EYS: variants seen among roughly 807,000 people sequenced by gnomAD.
EYS encodes protein eyes shut homolog.
EYS carries 250 observed loss-of-function variants against 282.1 expected under a neutral mutation model. The observed-to-expected ratio is 0.89, with a 90% CI of 0.80 to 0.98. EYS has a LOEUF of 0.98. Among genes scored for constraint, EYS ranks in the 50% least tolerant of loss-of-function variants. The probability of loss-of-function intolerance (pLI) is 0.00; values close to 1 mark genes in which losing one functional copy is unlikely to be tolerated. For missense variants in EYS, 4,016 were observed against 3,709.0 expected, an observed-to-expected ratio of 1.08 and a Z score of -2.15; for synonymous variants, 1,355 against 1,282.9, an observed-to-expected ratio of 1.06 and a Z score of -1.20.
intron 11 of EYS, among the ~76,000 whole-genome samples, chr6:65,321,921 T>G (rs1471016795): frequency 1.3e-5 from 2 of 152,172 alleles, no homozygotes; most frequent in Non-Finnish European, 2.9e-5. Flanking sequence ...GGTGGGAGAA[T>G]AGGCAAGTCA....
At chr6:65,356,718 C>T (rs1764499410) in intron 8 of EYS, among the ~76,000 whole-genome samples, 1 of 151,836 alleles carries the variant, frequency 6.6e-6, no homozygotes, top group African/African-American at 2.4e-5. Context: ...CTCTTAATAC[C>T]TTTTTAAAAT....
intron 22 of EYS, among the ~76,000 whole-genome samples, chr6:64,799,833 T>C (rs1774482597): frequency 6.6e-6 from 1 of 151,840 alleles, no homozygotes; most frequent in Non-Finnish European, 1.5e-5. Context: ...AATTGGACAG[T>C]TTAATCTGCA....
chr6:63,891,906 T>C (rs58019735), intron 35 of EYS, among the ~76,000 whole-genome samples: 17,884 of 152,048 alleles, frequency 0.12, 1,285 homozygotes, highest in African/African-American at 0.19. Flanking sequence ...AATCAATGTG[T>C]AAAAATCACA....
At chr6:64,853,877 T>G (rs1284658414) in intron 19 of EYS, among the ~76,000 whole-genome samples, 1 of 151,894 alleles carries the variant, frequency 6.6e-6, no homozygotes, top group Non-Finnish European at 1.5e-5. Flanking sequence ...ATCCAGAATC[T>G]ACAAAGAACT....
intron 29 of EYS, chr6:64,379,625 A>T (rs1372392515): frequency 1.3e-5 from 2 of 152,172 alleles, no homozygotes; most frequent in African/African-American, 4.8e-5. Context: ...GAATTAAGTG[A>T]AAATTTAAGC....
At chr6:65,147,312 A>C (rs1020454438) in intron 12 of EYS, among the ~76,000 whole-genome samples, 4 of 152,044 alleles carry the variant, frequency 2.6e-5, no homozygotes, top group Non-Finnish European at 2.9e-5. Flanking sequence ...TCTCTGTATA[A>C]ATATTAACAT....
At chr6:65,476,243 A>T (rs971786691) in intron 5 of EYS, among the ~76,000 whole-genome samples, 9 of 152,096 alleles carry the variant, frequency 5.9e-5, no homozygotes, top group East Asian at 1.9e-4. Context: ...TCTATTAAAG[A>T]TGCTCCTTAA....
intron 12 of EYS, among the ~76,000 whole-genome samples, chr6:65,280,856 A>G (rs1389131138): frequency 7.2e-6 from 1 of 139,654 alleles, no homozygotes; most frequent in Non-Finnish European, 1.5e-5. Context: ...CGTCTGTACT[A>G]AAAAAAAAAA....
intron 12 of EYS, among the ~76,000 whole-genome samples, chr6:65,217,601 G>A (rs1012501276): frequency 6.6e-6 from 1 of 151,966 alleles, no homozygotes; most frequent in Non-Finnish European, 1.5e-5. Context: ...GGTAATCACA[G>A]AAGGCATTTT....
chr6:65,464,040 C>A (rs547991208), intron 5 of EYS, among the ~76,000 whole-genome samples: 1 of 151,996 alleles, frequency 6.6e-6, no homozygotes, highest in South Asian at 2.1e-4. Context: ...TACCTATTTT[C>A]TTTTTTCAAA....
At chr6:64,547,955 G>A (rs1343622390) in intron 26 of EYS, among the ~76,000 whole-genome samples, 1 of 152,224 alleles carries the variant, frequency 6.6e-6, no homozygotes, top group Non-Finnish European at 1.5e-5. Context: ...GTGCCAGCAG[G>A]GCTGGCCGGC....
intron 5 of EYS, among the ~76,000 whole-genome samples, chr6:65,471,806 A>G (rs1427239739): frequency 6.6e-6 from 1 of 152,138 alleles, no homozygotes; most frequent in Non-Finnish European, 1.5e-5. Flanking sequence ...AAAATATTTT[A>G]AGATATTTTA....
At chr6:64,270,211 T>A (rs1161566609) in intron 30 of EYS, among the ~76,000 whole-genome samples, 1 of 152,202 alleles carries the variant, frequency 6.6e-6, no homozygotes, top group Non-Finnish European at 1.5e-5. Context: ...TTTGGTTCAC[T>A]GCAGCAAAGT....
At chr6:64,790,440 A>T (rs776371293) in intron 22 of EYS, among the ~76,000 whole-genome samples, 7 of 151,904 alleles carry the variant, frequency 4.6e-5, no homozygotes, top group Non-Finnish European at 4.4e-5. Flanking sequence ...TCATAAGACA[A>T]GAAAAAAAAT....
At chr6:64,309,759 G>A (rs931817001) in intron 29 of EYS, among the ~76,000 whole-genome samples, 3 of 152,022 alleles carry the variant, frequency 2.0e-5, no homozygotes, top group Admixed American at 2.0e-4. Context: ...GAGGTCAAGA[G>A]ATCAAGACCA....
chr6:64,264,785 T>C (rs1767701905), intron 30 of EYS, among the ~76,000 whole-genome samples: 1 of 151,966 alleles, frequency 6.6e-6, no homozygotes, highest in South Asian at 2.1e-4. Context: ...GCTCCTCTAT[T>C]CTCGTCTATT....
chr6:63,773,683 G>A (rs1454780135), intron 40 of EYS, among the ~76,000 whole-genome samples: 3 of 152,174 alleles, frequency 2.0e-5, no homozygotes, highest in Non-Finnish European at 4.4e-5. Context: ...GGTTAGGAGT[G>A]TTTAGGGAAC....
intron 32 of EYS, among the ~76,000 whole-genome samples, chr6:64,072,762 ATTTC>A (rs1175754860): frequency 6.6e-6 from 1 of 151,758 alleles, no homozygotes; most frequent in Admixed American, 6.6e-5. Context: ...GAAGCTTTCT[ATTTC>A]TTAATATTTT....
intron 19 of EYS, among the ~76,000 whole-genome samples, chr6:64,842,050 T>C (rs1196739890): frequency 6.6e-6 from 1 of 152,102 alleles, no homozygotes; most frequent in Non-Finnish European, 1.5e-5. Context: ...GAGATTTTAA[T>C]GATGTTTGGC....
Sources: allele counts gnomAD v4.1 joint callset (sites outside exome capture counted in the v4.1 genomes callset), GRCh38; gene constraint gnomAD v4.1.1; transcripts MANE v1.5; gene names NCBI Gene and HGNC (gene_info 2026-07-23, HGNC 2026-07-21).